The following AGRN variants were observed in gnomAD, a reference collection of about 807,000 sequenced individuals.
AGRN encodes the protein agrin.
Under a neutral mutation model 211.0 loss-of-function variants are expected in AGRN, and 106 were observed. The observed-to-expected ratio is 0.50, with a 90% confidence interval of 0.43 to 0.59. The LOEUF is 0.59. Among genes scored for constraint, AGRN ranks in the 20% least tolerant of loss-of-function variants. AGRN has a pLI of 0.00. For synonymous variants in AGRN, 1,525 were observed against 1,332.5 expected (o/e 1.14, Z -3.15); for missense variants, 3,040 against 2,982.6 (o/e 1.02, Z -0.45).
chr1:1,024,491 G>A (rs975523793), intron 2 of AGRN, among the ~76,000 whole-genome samples: 3 of 152,040 alleles, frequency 2.0e-5, no homozygotes, highest in Non-Finnish European at 2.9e-5. Flanking sequence ...ACAGGATGGC[G>A]TCTGGGCAGC....
rs374031467 is a variant in AGRN, at chr1:1,029,590, C to CGT, written c.464-5675_464-5674dup. ...AGGCCAGGAATACCCATTGTGTGGC[C>CGT]GTGTGTGTGTGTGCAGTGCATGGTG... On this transcript the variant is annotated intron_variant, in intron 2 of 35. Coordinates refer to ENST00000379370, the MANE Select transcript of AGRN (RefSeq NM_198576.4). Among the ~76,000 whole-genome samples, 57 of 147,394 alleles carry CGT rather than the reference C, an allele frequency of 3.9e-4. 2 individuals carry two copies. The East Asian group carries it at 0.011, about 27-fold the overall frequency.
intron 30 of AGRN, 80 bp downstream of exon 30, chr1:1,050,917 C>T: frequency 2.0e-6 from 3 of 1,531,260 alleles, no homozygotes; most frequent in Non-Finnish European, 2.6e-6. Context: ...CCTGCCGGCG[C>T]TCACGGAGCT....
intron 2 of AGRN, among the ~76,000 whole-genome samples, chr1:1,025,771 C>G (rs987799304): frequency 1.3e-5 from 2 of 151,868 alleles, no homozygotes; most frequent in African/African-American, 4.8e-5. Flanking sequence ...CCACTCACCT[C>G]TGTGTCTCCC....
rs1368846597 is a variant in AGRN, at chr1:1,054,872, G to T, written c.6029G>T (p.Gly2010Val). 3 of 1,556,016 alleles carry T rather than the reference G, an allele frequency of 1.9e-6. No homozygotes were observed. Among genetic ancestry groups the T allele is most frequent in the Non-Finnish European group, 2.6e-6 (3 of 1,151,324 alleles). Residue 2010 changes from glycine (G) to valine (V), a missense_variant, in exon 36 of 36, where the codon GGC (glycine) becomes GTC (valine). Physicochemically the swap from Gly to Val is moderately radical, Grantham distance 109 (BLOSUM62 -3). Coordinates refer to ENST00000379370, the MANE Select transcript of AGRN (RefSeq NM_198576.4). ...PVGPALPKAY[G>V]TGFVGCLRDV... is the part of the protein sequence containing the mutation. ...GGCCCAGCACTGCCCAAGGCCTACG[G>T]CACAGGCTTTGTGGGCTGCTTGCGG... is the stretch of plus-strand genomic sequence containing the variant.
chr1:1,020,872 G>A (rs1052165050), intron 1 of AGRN, among the ~76,000 whole-genome samples: 1 of 144,152 alleles, frequency 6.9e-6, no homozygotes. Flanking sequence ...CAGGAGCAGA[G>A]AGGTGGGCGG....
rs1441837784 is a variant in AGRN at position 1,053,451 on chromosome 1, T to G, written c.5652-302T>G. The G allele has an allele frequency of 1.4e-5, 20 of 1,455,862 alleles. No homozygotes were observed. Among genetic ancestry groups the G allele is most frequent in the Middle Eastern group, 1.8e-4 (1 of 5,550 alleles). The allele number at this position is 1,455,862 out of a possible 1,614,324, so 90.2% of individuals were successfully genotyped here. A position where few individuals can be genotyped will look rare whatever the true frequency, so the allele number is the denominator to read the frequency against. ...CTGCTCACCCGCCTCCCTCTCTTCC[T>G]GCTTCTAAGCCCCGAAACTCTGGAT... is the stretch of plus-strand genomic sequence containing the variant. On this transcript the variant is annotated intron_variant, in intron 33 of 35. Transcript: ENST00000379370.
In AGRN at chr1:1,041,630, G is replaced by A. The variant is rs2100635437; in HGVS notation, c.1105G>A (p.Val369Ile). 3 of 1,611,398 alleles carry A rather than the reference G, an allele frequency of 1.9e-6. No homozygotes were observed. Among genetic ancestry groups the A allele is most frequent in the Non-Finnish European group, 2.5e-6 (3 of 1,179,224 alleles). ...DDGVTYENDC[V>I]MGRSGAARGL... is the part of the protein sequence containing the mutation. ...CGGAGTCACCTACGAAAACGACTGT[G>A]TCATGGGCCGATCGGGGGCCGCCCG... The change falls in exon 6 of 36, where the codon GTC becomes ATC. Residue 369 changes from valine to isoleucine, a missense_variant. By Grantham distance (29) the Val-to-Ile change is conservative. Around this residue, in one of 3 missense-constraint regions of AGRN, gnomAD observed 1,498 missense variants for 1,457.8 expected, o/e 1.03. Coordinates refer to ENST00000379370, the MANE Select transcript of AGRN (RefSeq NM_198576.4).
chr1:1,034,828 ACT>A (rs1261543876), intron 2 of AGRN: 2 of 570,936 alleles, frequency 3.5e-6, no homozygotes, highest in African/African-American at 4.0e-5. Flanking sequence ...GGGATGGGTC[ACT>A]CTGCGGACCC....
chr1:1,045,109 G>C, intron 12 of AGRN, 52 bp from the exon 13 acceptor site: 1 of 1,579,282 alleles, frequency 6.3e-7, no homozygotes, highest in Non-Finnish European at 8.7e-7. Context: ...GCTGGGTCCA[G>C]GGTGGGTGTC....
chr1:1,044,968 A>G (rs1346290833), intron 12 of AGRN, among the ~76,000 whole-genome samples, 193 bp from the exon 13 acceptor site: 1 of 152,158 alleles, frequency 6.6e-6, no homozygotes, highest in Non-Finnish European at 1.5e-5. Flanking sequence ...CTGGATCTGC[A>G]TTTACAGACA....
intron 2 of AGRN, among the ~76,000 whole-genome samples, chr1:1,033,833 C>A (rs1217188402): frequency 1.4e-5 from 2 of 147,478 alleles, no homozygotes; most frequent in African/African-American, 5.0e-5. Flanking sequence ...CAGCCCCAGC[C>A]GAGCACCCCC....
chr1:1,054,032 C>T, intron 34 of AGRN, 55 bp downstream of exon 34: 1 of 1,524,974 alleles, frequency 6.6e-7, no homozygotes. Context: ...CCAGACTTGC[C>T]CAGCTGGGCT....
chr1:1,026,703 C>T lies in AGRN; in HGVS notation c.463+4241C>T, dbSNP rs139374940. Among the ~76,000 whole-genome samples, 932 of 152,186 alleles carry T rather than the reference C, an allele frequency of 6.1e-3. 14 individuals are homozygous for T. Among genetic ancestry groups the T allele is most frequent in the South Asian group, 0.04 (193 of 4,824 alleles). ...GCTCCCCAGGGCCCCCGAAGCCCAG[C>T]GGGGCTGGGGCTGCAGACGGAAACA... On this transcript the variant is annotated intron_variant, in intron 2 of 35. Coordinates refer to ENST00000379370, the MANE Select transcript of AGRN (RefSeq NM_198576.4).
chr1:1,046,757 G>T, intron 18 of AGRN, 22 bp downstream of exon 18: 1 of 1,575,906 alleles, frequency 6.3e-7, no homozygotes, highest in East Asian at 2.3e-5. Context: ...TCAAGGACTT[G>T]GGGTGGGTGG....
In AGRN at chr1:1,048,004, G is replaced by T; in HGVS notation, c.3752-8G>T. The T allele has an allele frequency of 6.3e-7, 1 of 1,575,868 alleles. No individual in the cohort carries two copies. On this transcript the variant is annotated splice_region_variant and splice_polypyrimidine_tract_variant and intron_variant, in intron 22 of 35. Coordinates refer to ENST00000379370, the MANE Select transcript of AGRN (RefSeq NM_198576.4). The surrounding 1 kb of genome is among the most constrained non-coding windows in gnomAD (Gnocchi z 5.9). ...CCAGGAAACCCTAACAGCTCCCTGT[G>T]CCGGCAGACTGGTTTCCTGCGTTTA...
At chr1:1,020,547 CG>C in intron 1 of AGRN, among the ~76,000 whole-genome samples, 174 bp downstream of exon 1, 1 of 152,034 alleles carries the variant, frequency 6.6e-6, no homozygotes, top group Non-Finnish European at 1.5e-5. Context: ...TCGCGGGCGC[CG>C]GGGAAAGTTG....
chr1:1,020,957 C>T (rs1217743087), intron 1 of AGRN, among the ~76,000 whole-genome samples: 1 of 151,872 alleles, frequency 6.6e-6, no homozygotes, highest in Non-Finnish European at 1.5e-5. Flanking sequence ...CGGGGCTCCC[C>T]ACCCCGGGGA....
Position 1,053,655 on chromosome 1 carries a change from C to A in AGRN, c.5652-98C>A, listed in dbSNP as rs1255485734. ...GCCACCCCTGGGTCCCGTCACAGCCCTTGTGGCCTCCGCAGCTGGGGCCCT... is the reference window on the plus strand; with the variant it reads ...GCCACCCCTGGGTCCCGTCACAGCCATTGTGGCCTCCGCAGCTGGGGCCCT... On this transcript the variant is annotated intron_variant, in intron 33 of 35. Transcript: ENST00000379370. 44 of 1,496,718 alleles carry A rather than the reference C, an allele frequency of 2.9e-5. No individual in the cohort carries two copies. In the South Asian group the frequency reaches 4.1e-4, roughly 14 times the overall value. 92.7% of individuals were successfully genotyped at this position (1,496,718 alleles called of 1,614,324 possible).
At chr1:1,023,789 G>T (rs3845292) in intron 2 of AGRN, among the ~76,000 whole-genome samples, 2 of 151,864 alleles carry the variant, frequency 1.3e-5, no homozygotes, top group Non-Finnish European at 2.9e-5. Context: ...CCGCTCTACG[G>T]GTGCCAGGCA....
Sources: gnomAD v4.1 joint callset for allele counts (sites outside exome capture counted in the v4.1 genomes callset) on GRCh38, gnomAD v4.1.1 for gene constraint, gnomAD v4.1.1 regional missense constraint, Gnocchi (gnomAD v3.1) non-coding constraint, MANE v1.5 for transcripts, NCBI Gene and HGNC (gene_info 2026-07-23, HGNC 2026-07-21) for gene names.